The following RHOBTB1 variants were observed in gnomAD, a reference collection of about 807,000 sequenced individuals.
The protein encoded by RHOBTB1 is Rho related BTB domain containing 1, also known as rho-related BTB domain-containing protein 1.
Under a neutral mutation model 71.6 loss-of-function variants are expected in RHOBTB1, and 40 were observed. The ratio of observed to expected loss-of-function variants is 0.56; its 90% CI spans 0.43 to 0.73. The LOEUF is 0.73. RHOBTB1 is among the 30% of genes least tolerant of loss of function. The pLI is 0.00. For missense variants in RHOBTB1, 797 were observed against 894.0 expected, an observed-to-expected ratio of 0.89 and a Z score of 1.38; for synonymous variants, 319 against 334.9, an observed-to-expected ratio of 0.95 and a Z score of 0.52.
rs764392626 is a variant in RHOBTB1, at chr10:60,871,605, G to A, written c.1968C>T (p.Tyr656=). ...FERHRWPPVW[Y]LKEEDHYQRV... Reference sequence around the variant, plus strand: ...GCTGGTAGTGATCTTCTTCCTTCAGGTACCACACAGGGGGCCAGCGGTGCC... The same window carrying A: ...GCTGGTAGTGATCTTCTTCCTTCAGATACCACACAGGGGGCCAGCGGTGCC... The change falls in exon 11 of 11, where the codon TAC becomes TAT. Residue 656 remains tyrosine, a synonymous_variant. Coordinates refer to ENST00000337910, the MANE Select transcript of RHOBTB1 (RefSeq NM_014836.5). 6.2e-6 allele frequency: 10 copies of A among 1,613,894 alleles called. No homozygotes were observed. The East Asian group carries it at 2.2e-4, about 36-fold the overall frequency.
chr10:60,908,863 C>T (rs374749965), intron 4 of RHOBTB1, among the ~76,000 whole-genome samples: 3 of 152,292 alleles, frequency 2.0e-5, no homozygotes, highest in Admixed American at 6.5e-5. Flanking sequence ...GCACACAAAG[C>T]AAGGCCCTAA....
At position 60,920,955 on chromosome 10, in the gene RHOBTB1, G is replaced by GT. The variant is rs71018934; in HGVS notation, c.-10-9404dup. Among the ~76,000 whole-genome samples the GT allele has an allele frequency of 5.9e-3, 821 of 139,850 alleles. 7 individuals are homozygous for GT. The highest frequency in any genetic ancestry group is 0.013 in the African/African-American group (487 of 37,794). 91.7% of individuals were successfully genotyped at this position (139,850 alleles called of 152,430 possible). A position where few individuals can be genotyped will look rare whatever the true frequency, so the allele number is the denominator to read the frequency against. Reference sequence around the variant, plus strand: ...TACAGGACTGATTTGTTTTTTTTTTGTTTTTTTTTTTTTATGAGACAGTGT... The same window carrying GT: ...TACAGGACTGATTTGTTTTTTTTTTGTTTTTTTTTTTTTTATGAGACAGTGT... On this transcript the variant is annotated intron_variant, in intron 2 of 10. Transcript: ENST00000337910.
intron 4 of RHOBTB1, among the ~76,000 whole-genome samples, chr10:60,894,771 T>C (rs1166423499): frequency 6.6e-6 from 1 of 152,230 alleles, no homozygotes. Context: ...ATCCAGCACC[T>C]AAATGTGTTA....
chr10:60,954,541 T>C (rs183545951), intron 2 of RHOBTB1, among the ~76,000 whole-genome samples: 21 of 152,270 alleles, frequency 1.4e-4, no homozygotes, highest in Non-Finnish European at 1.3e-4. Flanking sequence ...GACACCCCAT[T>C]ACATTCAAAT....
chr10:60,936,222 T>C (rs1316846489), intron 2 of RHOBTB1, among the ~76,000 whole-genome samples: 1 of 152,188 alleles, frequency 6.6e-6, no homozygotes, highest in Non-Finnish European at 1.5e-5. Context: ...CCTGCCAGCA[T>C]TTATATGGGA....
chr10:60,912,029 C>T (rs1341314248), intron 2 of RHOBTB1, among the ~76,000 whole-genome samples: 1 of 152,114 alleles, frequency 6.6e-6, no homozygotes, highest in Admixed American at 6.5e-5. Context: ...TGTTGAAAAG[C>T]AGTTTTCTAT....
chr10:60,989,359 T>G (rs2893872), intron 1 of RHOBTB1, among the ~76,000 whole-genome samples: 90,310 of 152,062 alleles, frequency 0.59, 27,736 homozygotes, highest in East Asian at 0.77. Flanking sequence ...TTTATTTCAT[T>G]GCATAAGTAT....
At chr10:60,949,741 T>C (rs2085350251) in intron 2 of RHOBTB1, among the ~76,000 whole-genome samples, 1 of 150,068 alleles carries the variant, frequency 6.7e-6, no homozygotes, top group Non-Finnish European at 1.5e-5. Flanking sequence ...GCTAACCTAA[T>C]GGATCTATTC....
chr10:60,982,386 T>C (rs1201351373), intron 2 of RHOBTB1, among the ~76,000 whole-genome samples: 1 of 152,194 alleles, frequency 6.6e-6, no homozygotes, highest in Non-Finnish European at 1.5e-5. Flanking sequence ...AGTAACAACA[T>C]AATTATACTA....
At chr10:60,867,118 G>T (rs973543927), downstream of RHOBTB1, among the ~76,000 whole-genome samples, 1 of 152,140 alleles carries the variant, frequency 6.6e-6, no homozygotes, top group African/African-American at 2.4e-5. Flanking sequence ...TGAAAACTCA[G>T]TGATATCTGT....
At chr10:60,960,428 C>A (rs1174812573) in intron 2 of RHOBTB1, among the ~76,000 whole-genome samples, 1 of 152,152 alleles carries the variant, frequency 6.6e-6, no homozygotes, top group Non-Finnish European at 1.5e-5. Context: ...AAACTACTCA[C>A]ACAAACAAAA....
At chr10:60,871,705 T>A (rs1344361972) in intron 10 of RHOBTB1, 54 bp from the exon 11 acceptor site, 58 of 1,535,936 alleles carry the variant, frequency 3.8e-5, no homozygotes, top group Non-Finnish European at 6.2e-6. Flanking sequence ...ATGCCTTTTA[T>A]GTGCTAGGCC....
intron 2 of RHOBTB1, among the ~76,000 whole-genome samples, chr10:60,933,008 CTA>C (rs2084349251): frequency 6.6e-6 from 1 of 152,228 alleles, no homozygotes; most frequent in Non-Finnish European, 1.5e-5. Flanking sequence ...ATTTATGAGA[CTA>C]TCATATGCTC....
At chr10:60,968,988 T>C (rs1291323275) in intron 2 of RHOBTB1, among the ~76,000 whole-genome samples, 2 of 152,068 alleles carry the variant, frequency 1.3e-5, no homozygotes, top group Non-Finnish European at 2.9e-5. Context: ...TCAATATTTT[T>C]TAAAAATCAG....
intron 2 of RHOBTB1, among the ~76,000 whole-genome samples, chr10:60,957,632 T>C (rs919394003): frequency 1.3e-5 from 2 of 151,900 alleles, no homozygotes; most frequent in Admixed American, 6.6e-5. Context: ...TTGAAAGTGC[T>C]AAAAAGCAGA....
At chr10:60,938,467 G>A (rs1481536973) in intron 2 of RHOBTB1, among the ~76,000 whole-genome samples, 1 of 152,102 alleles carries the variant, frequency 6.6e-6, no homozygotes, top group African/African-American at 2.4e-5. Flanking sequence ...CATGAGGTTG[G>A]GCTAAGGGTC....
the RHOBTB1 span, among the ~76,000 whole-genome samples, chr10:60,863,449 T>TC: frequency 0.21 from 31,439 of 151,988 alleles, 3,620 homozygotes; most frequent in African/African-American, 0.32. Flanking sequence ...CATTAGTGTG[T>TC]CCATCAAATA....
Position 60,871,452 on chromosome 10 carries a change from T to G in RHOBTB1, c.*30A>C. The G allele has an allele frequency of 1.2e-6, 2 of 1,605,634 alleles. No homozygotes were observed. The highest frequency in any genetic ancestry group is 1.7e-6 in the Non-Finnish European group (2 of 1,175,418). ...GTGGTGGATCAGATTACCGATTGGT[T>G]TCTGTTTTTTGTTTTTTTTCTCTTC... is the stretch of plus-strand genomic sequence containing the variant. On this transcript the variant is annotated 3_prime_UTR_variant, in exon 11 of 11. Transcript: ENST00000337910.
intron 5 of RHOBTB1, among the ~76,000 whole-genome samples, chr10:60,891,124 T>G (rs1047113854): frequency 6.6e-6 from 1 of 152,158 alleles, no homozygotes; most frequent in African/African-American, 2.4e-5. Flanking sequence ...TCCTAGTCCA[T>G]GCACTGAAGA....
Sources: allele counts gnomAD v4.1 joint callset (sites outside exome capture counted in the v4.1 genomes callset), GRCh38; gene constraint gnomAD v4.1.1; transcripts MANE v1.5; gene names NCBI Gene and HGNC (gene_info 2026-07-23, HGNC 2026-07-21).